The following PCSK5 variants were observed in gnomAD, a reference collection of about 807,000 sequenced individuals.
The protein encoded by PCSK5 is proprotein convertase subtilisin/kexin type 5, also known as prohormone convertase 5.
A neutral mutation model predicts 233.2 loss-of-function variants in PCSK5; 129 were observed. That is an observed-to-expected ratio of 0.55 (90% CI 0.48 to 0.64). The LOEUF is 0.64. PCSK5 is among the 30% of genes least tolerant of loss of function. The pLI, the probability that PCSK5 is intolerant of heterozygous loss-of-function variation, is 0.00. For synonymous variants in PCSK5, 825 were observed against 879.2 expected, an observed-to-expected ratio of 0.94 and a Z score of 1.09; for missense variants, 2,076 against 2,430.1, an observed-to-expected ratio of 0.85 and a Z score of 3.06.
intron 2 of PCSK5, among the ~76,000 whole-genome samples, chr9:75,935,092 G>A (rs887872924): frequency 3.3e-5 from 5 of 151,784 alleles, no homozygotes; most frequent in Non-Finnish European, 7.4e-5. Context: ...TTTTGAGACA[G>A]AGTTTCGCTC....
intron 35 of PCSK5, among the ~76,000 whole-genome samples, chr9:76,345,552 G>A (rs181032299): frequency 1.2e-3 from 182 of 152,200 alleles, no homozygotes; most frequent in African/African-American, 4.1e-3. Flanking sequence ...CTGAGTAGCT[G>A]GGACTACAGG....
At chr9:76,156,642 A>G (rs1434816959) in intron 10 of PCSK5, among the ~76,000 whole-genome samples, 1 of 152,246 alleles carries the variant, frequency 6.6e-6, no homozygotes, top group Non-Finnish European at 1.5e-5. Context: ...GAGAAAAACT[A>G]CGTGCATTAA....
In PCSK5 at chr9:76,189,651, C is replaced by G; in HGVS notation, c.2531C>G (p.Thr844Arg). The G allele has an allele frequency of 6.2e-6, 10 of 1,610,376 alleles. No homozygotes were observed. The highest frequency in any genetic ancestry group is 7.6e-6 in the Non-Finnish European group (9 of 1,176,760). The change falls in exon 20 of 38, where the codon ACG becomes AGG. Residue 844 changes from threonine to arginine, a missense_variant. Around this residue, in one of 6 missense-constraint regions of PCSK5, gnomAD observed 1,510 missense variants for 1,538.1 expected, o/e 0.98. Coordinates refer to ENST00000674117, the MANE Select transcript of PCSK5 (RefSeq NM_001372043.1). ...CATAGATGTGATATCAGTTGTTTGA[C>G]GTGCAATGGCCCAGGATTCAAGAAC... Reference protein sequence around the residue: ...SCKKCDISCLTCNGPGFKNCT... With the variant: ...SCKKCDISCLRCNGPGFKNCT...
At chr9:76,235,055 G>A (rs1368783651) in intron 22 of PCSK5, among the ~76,000 whole-genome samples, 1 of 152,182 alleles carries the variant, frequency 6.6e-6, no homozygotes, top group Non-Finnish European at 1.5e-5. Context: ...TGGTCCATAA[G>A]TTTCTATGCC....
chr9:75,926,058 C>A (rs150150523), intron 1 of PCSK5, among the ~76,000 whole-genome samples: 64 of 152,304 alleles, frequency 4.2e-4, no homozygotes, highest in Admixed American at 9.8e-4. Flanking sequence ...CAGGTAGGAA[C>A]AAGTGTGAGC....
chr9:76,120,008 C>T (rs1832572997), intron 9 of PCSK5, among the ~76,000 whole-genome samples: 1 of 152,034 alleles, frequency 6.6e-6, no homozygotes, highest in African/African-American at 2.4e-5. Context: ...CATAAATTCA[C>T]TGGTTTTGAT....
rs905285487 is a variant in PCSK5, at chr9:76,107,432, C to T, written c.1208+81C>T. 13 of 736,668 alleles carry T rather than the reference C, an allele frequency of 1.8e-5. No individual in the cohort carries two copies. The East Asian group carries it at 3.6e-4, about 20-fold the overall frequency. The allele number at this position is 736,668 out of a possible 1,614,324, so 45.6% of individuals were successfully genotyped here. ...ACGTACCCCTTCCCTTGTATAGGACCCCTAGCATGACAACCTAGAATATAA... is the reference window on the plus strand; with the variant it reads ...ACGTACCCCTTCCCTTGTATAGGACTCCTAGCATGACAACCTAGAATATAA... On this transcript the variant is annotated intron_variant, in intron 9 of 37. Coordinates refer to ENST00000674117, the MANE Select transcript of PCSK5 (RefSeq NM_001372043.1).
intron 5 of PCSK5, among the ~76,000 whole-genome samples, chr9:76,036,476 C>T (rs1828864229): frequency 6.6e-6 from 1 of 152,128 alleles, no homozygotes; most frequent in East Asian, 1.9e-4. Context: ...CAGCCCCAGC[C>T]TTTTTATTGA....
rs147298250 is a variant in PCSK5, at chr9:75,925,028, G to T, written c.193-7351G>T. On this transcript the variant is annotated intron_variant, in intron 1 of 37. Coordinates refer to ENST00000674117, the MANE Select transcript of PCSK5 (RefSeq NM_001372043.1). Reference sequence around the variant, plus strand: ...GGCTTGTACTCCATAAATATTAGCAGTTCATCAGATTGCTGCATTTCCTTG... The same window carrying T: ...GGCTTGTACTCCATAAATATTAGCATTTCATCAGATTGCTGCATTTCCTTG... Among the ~76,000 whole-genome samples the T allele has an allele frequency of 1.4e-4, 21 of 152,292 alleles. No individual in the cohort carries two copies. The East Asian group carries it at 4.0e-3, about 29-fold the overall frequency.
At chr9:76,161,871 C>T (rs1156464026) in intron 12 of PCSK5, among the ~76,000 whole-genome samples, 2 of 152,208 alleles carry the variant, frequency 1.3e-5, no homozygotes, top group Non-Finnish European at 2.9e-5. Context: ...GCATTTCCGA[C>T]GTGCGGTGAC....
intron 12 of PCSK5, among the ~76,000 whole-genome samples, chr9:76,162,144 T>C (rs1411067980): frequency 6.6e-6 from 1 of 152,200 alleles, no homozygotes; most frequent in Non-Finnish European, 1.5e-5. Flanking sequence ...TCTGAGCAGC[T>C]GACCCTTTCC....
At chr9:76,219,890 A>G (rs1008789371) in intron 20 of PCSK5, among the ~76,000 whole-genome samples, 7 of 152,222 alleles carry the variant, frequency 4.6e-5, no homozygotes, top group African/African-American at 1.7e-4. Context: ...TTCTGTCAAC[A>G]TGTATTAAAA....
chr9:76,316,676 T>C (rs1829040783), intron 30 of PCSK5, among the ~76,000 whole-genome samples: 1 of 136,832 alleles, frequency 7.3e-6, no homozygotes, highest in South Asian at 2.2e-4. Context: ...AAGTCGAGGC[T>C]GCAGTGAGCC....
intron 1 of PCSK5, among the ~76,000 whole-genome samples, chr9:75,913,681 C>A (rs1436563207): frequency 6.6e-6 from 1 of 152,208 alleles, no homozygotes; most frequent in Non-Finnish European, 1.5e-5. Context: ...CATCTCATTG[C>A]TTCTAGTACA....
At chr9:76,205,745 G>C (rs1054307094) in intron 20 of PCSK5, among the ~76,000 whole-genome samples, 1 of 152,138 alleles carries the variant, frequency 6.6e-6, no homozygotes, top group Admixed American at 6.5e-5. Flanking sequence ...AAATACAGAT[G>C]ATGTTTAGCC....
intron 1 of PCSK5, 45 bp downstream of exon 1, chr9:75,891,418 G>A: frequency 3.5e-6 from 5 of 1,438,200 alleles, no homozygotes; most frequent in Non-Finnish European, 3.8e-6. Flanking sequence ...TGAAGCCACT[G>A]GGGGCTTCTT....
intron 2 of PCSK5, among the ~76,000 whole-genome samples, chr9:75,978,599 G>A (rs568611557): frequency 6.6e-6 from 1 of 152,200 alleles, no homozygotes; most frequent in Non-Finnish European, 1.5e-5. Flanking sequence ...TGCTGCTACA[G>A]TAGGTGTAAA....
chr9:75,957,178 A>G (rs755256412), intron 2 of PCSK5, among the ~76,000 whole-genome samples: 6 of 152,118 alleles, frequency 3.9e-5, no homozygotes, highest in African/African-American at 7.2e-5. Context: ...TTCTGTGCTA[A>G]GGGAAGCCCA....
chr9:75,894,621 C>T (rs1309558618), intron 1 of PCSK5, among the ~76,000 whole-genome samples: 1 of 152,126 alleles, frequency 6.6e-6, no homozygotes, highest in East Asian at 1.9e-4. Flanking sequence ...CATATATTAT[C>T]TTTTGGTTGG....
Sources: allele counts gnomAD v4.1 joint callset (sites outside exome capture counted in the v4.1 genomes callset), GRCh38; gene constraint gnomAD v4.1.1; regional missense constraint gnomAD v4.1.1; transcripts MANE v1.5; gene names NCBI Gene and HGNC (gene_info 2026-07-23, HGNC 2026-07-21).